KLHL14: variants seen among roughly 807,000 people sequenced by gnomAD.
KLHL14 encodes the protein kelch-like protein 14.
KLHL14 carries 22 observed loss-of-function variants against 64.3 expected under a neutral mutation model. That is an observed-to-expected ratio of 0.34 (90% confidence interval 0.24 to 0.49). The LOEUF is 0.49. Among genes scored for constraint, KLHL14 ranks in the 20% least tolerant of loss-of-function variants. The pLI, the probability that KLHL14 is intolerant of heterozygous loss-of-function variation, is 0.99. For synonymous variants in KLHL14, 322 were observed against 333.4 expected (o/e 0.97, Z 0.37); for missense variants, 661 against 789.0 (o/e 0.84, Z 1.94).
At chr18:32,722,784 A>G (rs1001775368) in intron 3 of KLHL14, among the ~76,000 whole-genome samples, 1 of 152,068 alleles carries the variant, frequency 6.6e-6, no homozygotes, top group Non-Finnish European at 1.5e-5. Context: ...ACATAGTGAG[A>G]CCCTGTCTCA....
chr18:32,706,115 A>G (rs2049988962), intron 3 of KLHL14, among the ~76,000 whole-genome samples: 1 of 152,254 alleles, frequency 6.6e-6, no homozygotes, highest in South Asian at 2.1e-4. Flanking sequence ...ATTTCACTGC[A>G]AAGATTCAGA....
rs1387723950 is a variant in KLHL14, at chr18:32,695,494, C to A, written c.1128G>T (p.Val376=). 5.0e-6 allele frequency: 8 copies of A among 1,612,970 alleles called. No individual in the cohort carries two copies. Among genetic ancestry groups the A allele is most frequent in the Non-Finnish European group, 6.8e-6 (8 of 1,179,160 alleles). ...GATTCCACTGGTCCTCTCCACCCAA[C>A]ACGAACAAGAAGTTTTCCACCTCCA... The part of the protein sequence containing the change: ...CVVEVENFLF[V]LGGEDQWNPN... The change falls in exon 4 of 9, where the codon GTG becomes GTT. Residue 376 remains valine, a synonymous_variant. Transcript: ENST00000359358.
chr18:32,772,429 T>G (rs2050395150), intron 1 of KLHL14: 1 of 162,970 alleles, frequency 6.1e-6, no homozygotes, highest in African/African-American at 2.4e-5. Context: ...CTCTCTCCGC[T>G]TCGTTGTCTC....
chr18:32,750,734 T>A (rs1031520762), intron 2 of KLHL14, among the ~76,000 whole-genome samples: 3 of 152,222 alleles, frequency 2.0e-5, no homozygotes, highest in Non-Finnish European at 4.4e-5. Context: ...GTAATATTTC[T>A]TAAATCTTTC....
intron 3 of KLHL14, among the ~76,000 whole-genome samples, chr18:32,722,420 G>A (rs903647475): frequency 2.6e-5 from 4 of 152,102 alleles, no homozygotes; most frequent in Admixed American, 2.6e-4. Flanking sequence ...AAATGGAGAG[G>A]AGCTGTCCAC....
At position 32,674,673 on chromosome 18, in the gene KLHL14, A is replaced by G; in HGVS notation, c.1871T>C (p.Val624Ala). 1.3e-6 allele frequency: 1 copy of G among 780,852 alleles called. No individual in the cohort carries two copies. 48.4% of individuals were successfully genotyped at this position (780,852 alleles called of 1,614,324 possible). ...ACVTVILPSC[V>A]PYNK Reference sequence around the variant, plus strand: ...TTCCTGGTGTTATTTGTTGTATGGTACACAAGAGGGCAGAATAACTGTCAC... The same window carrying G: ...TTCCTGGTGTTATTTGTTGTATGGTGCACAAGAGGGCAGAATAACTGTCAC... Residue 624 changes from valine to alanine, a missense_variant, in exon 9 of 9, where the codon GTA becomes GCA. Val to Ala is a moderately conservative substitution (Grantham distance 64). Transcript: ENST00000359358.
At chr18:32,723,775 G>A (rs548119067) in intron 3 of KLHL14, among the ~76,000 whole-genome samples, 1 of 152,144 alleles carries the variant, frequency 6.6e-6, no homozygotes, top group Non-Finnish European at 1.5e-5. Context: ...GGGTTGGAGA[G>A]GGGGGTACAC....
At chr18:32,750,419 A>C (rs1487805532) in intron 2 of KLHL14, among the ~76,000 whole-genome samples, 1 of 152,204 alleles carries the variant, frequency 6.6e-6, no homozygotes, top group Non-Finnish European at 1.5e-5. Flanking sequence ...ACTCATTTGA[A>C]AATTCATCTT....
At chr18:32,709,150 TG>T (rs1371635076) in intron 3 of KLHL14, among the ~76,000 whole-genome samples, 2 of 152,224 alleles carry the variant, frequency 1.3e-5, no homozygotes, top group Admixed American at 1.3e-4. Context: ...GGCCTGGCCC[TG>T]GATACCTTTC....
intron 4 of KLHL14, among the ~76,000 whole-genome samples, chr18:32,695,045 C>A (rs1342967350): frequency 6.6e-6 from 1 of 152,116 alleles, no homozygotes; most frequent in Non-Finnish European, 1.5e-5. Flanking sequence ...TTATGTGCGG[C>A]ATGACTGGAC....
intron 3 of KLHL14, among the ~76,000 whole-genome samples, chr18:32,736,083 T>C (rs1331490261): frequency 6.6e-6 from 1 of 152,168 alleles, no homozygotes; most frequent in Non-Finnish European, 1.5e-5. Flanking sequence ...GAATTATTTG[T>C]ACACATGCTG....
intron 2 of KLHL14, chr18:32,743,169 T>C (rs1001334390): frequency 2.2e-4 from 33 of 152,214 alleles, no homozygotes; most frequent in African/African-American, 6.0e-4. Context: ...AGGCTCAAGG[T>C]GATGGTGGAA....
chr18:32,746,893 C>T (rs1207121033), intron 2 of KLHL14, among the ~76,000 whole-genome samples: 1 of 152,184 alleles, frequency 6.6e-6, no homozygotes, highest in East Asian at 1.9e-4. Flanking sequence ...CAGTTCTCGA[C>T]TCTCAGAGAT....
rs765893735 is a variant in KLHL14 at position 32,683,868 on chromosome 18, G to C, written c.1239-3269C>G. Reference sequence around the variant, plus strand: ...TCGTTGGATTAAAAACAATGGATATGTTAGAAAGAATATTGTCTCCCATTG... The same window carrying C: ...TCGTTGGATTAAAAACAATGGATATCTTAGAAAGAATATTGTCTCCCATTG... On this transcript the variant is annotated intron_variant, in intron 5 of 8. Transcript: ENST00000359358. The surrounding 1 kb of genome is among the most constrained non-coding windows in gnomAD (Gnocchi z 4.2). 3.3e-5 allele frequency among the ~76,000 whole-genome samples: 5 copies of C among 152,124 alleles called. No homozygotes were observed. Among genetic ancestry groups the C allele is most frequent in the Non-Finnish European group, 7.4e-5 (5 of 68,016 alleles).
At position 32,710,057 on chromosome 18, in the gene KLHL14, C is replaced by T. The variant is rs1256042655; in HGVS notation, c.1070-14505G>A. 2.6e-5 allele frequency among the ~76,000 whole-genome samples: 4 copies of T among 152,104 alleles called. No homozygotes were observed. In the East Asian group the frequency reaches 7.7e-4, roughly 29 times the overall value. On this transcript the variant is annotated intron_variant, in intron 3 of 8. Coordinates refer to ENST00000359358, the MANE Select transcript of KLHL14 (RefSeq NM_020805.3). ...TCATTTAACTGTGTCAGTTTAGGAG[C>T]CTTGGTTTTCTTCATCAGTAAAATG...
At chr18:32,746,076 C>T (rs919275303) in intron 2 of KLHL14, among the ~76,000 whole-genome samples, 1 of 152,168 alleles carries the variant, frequency 6.6e-6, no homozygotes, top group Non-Finnish European at 1.5e-5. Flanking sequence ...ACATAGGGAA[C>T]CAATTTAGCC....
intron 3 of KLHL14, among the ~76,000 whole-genome samples, chr18:32,701,803 G>A (rs535798591): frequency 1.3e-5 from 2 of 152,284 alleles, no homozygotes; most frequent in East Asian, 3.9e-4. Context: ...TGCTTTGAAG[G>A]TTGCTGCTGT....
rs2050201261 is a variant in KLHL14 at position 32,742,004 on chromosome 18, A to G, written c.993T>C (p.Pro331=). 4 of 1,613,156 alleles carry G rather than the reference A, an allele frequency of 2.5e-6. No homozygotes were observed. Among genetic ancestry groups the G allele is most frequent in the African/African-American group, 2.7e-5 (2 of 74,960 alleles). The change falls in exon 3 of 9, where the codon CCT becomes CCC. Residue 331 remains proline, a synonymous_variant. Coordinates refer to ENST00000359358, the MANE Select transcript of KLHL14 (RefSeq NM_020805.3). ...TGCTGGGGAGCCGGTCCGGTCCAGG[A>G]GGCAGCCCTCCAACCAATAACAGCA... ...KKMLLLVGGL[P]PGPDRLPSNL...
intron 5 of KLHL14, among the ~76,000 whole-genome samples, chr18:32,682,846 C>T (rs747766049): frequency 1.6e-4 from 25 of 152,134 alleles, no homozygotes; most frequent in Middle Eastern, 3.2e-3. Context: ...CCAACACTGA[C>T]ACTAAGGTAG....
Sources: gnomAD v4.1 joint callset for allele counts (sites outside exome capture counted in the v4.1 genomes callset) on GRCh38, gnomAD v4.1.1 for gene constraint, Gnocchi (gnomAD v3.1) non-coding constraint, MANE v1.5 for transcripts, NCBI Gene and HGNC (gene_info 2026-07-23, HGNC 2026-07-21) for gene names.